RAB6B: variants seen among roughly 807,000 people sequenced by gnomAD.
RAB6B encodes ras-related protein Rab-6B.
Under a neutral mutation model 31.2 loss-of-function variants are expected in RAB6B, and 7 were observed. The observed-to-expected ratio is 0.22, with a 90% confidence interval of 0.13 to 0.42. The LOEUF is 0.42. RAB6B is among the 10% of genes least tolerant of loss of function. The pLI is 1.00. For synonymous variants in RAB6B, 105 were observed against 104.9 expected, an observed-to-expected ratio of 1.00 and a Z score of -0.01; for missense variants, 149 against 280.6, an observed-to-expected ratio of 0.53 and a Z score of 3.35.
chr3:133,837,159 C>T (rs1935748972), intron 6 of RAB6B, among the ~76,000 whole-genome samples: 1 of 152,148 alleles, frequency 6.6e-6, no homozygotes, highest in Non-Finnish European at 1.5e-5. Flanking sequence ...TCTCCAAGTC[C>T]TTCTCATCCC....
intron 6 of RAB6B, among the ~76,000 whole-genome samples, chr3:133,837,849 T>A (rs983983016): frequency 6.6e-6 from 1 of 152,246 alleles, no homozygotes; most frequent in East Asian, 1.9e-4. Context: ...AGGGAACCAC[T>A]GCTTCCCTCA....
chr3:133,828,714 C>G lies in RAB6B; in HGVS notation c.*74G>C, dbSNP rs1052690305. ...ATCTTGATAACTCGGTTCCCTCCCC[C>G]CTTAGGAAGCTAGCCAATAGGAAGC... On this transcript the variant is annotated 3_prime_UTR_variant, in exon 8 of 8. Transcript: ENST00000285208. 105 of 1,478,634 alleles carry G rather than the reference C, an allele frequency of 7.1e-5. No individual in the cohort carries two copies. The highest frequency in any genetic ancestry group is 7.9e-5 in the Non-Finnish European group (84 of 1,061,946). The allele number at this position is 1,478,634 out of a possible 1,614,324, so 91.6% of individuals were successfully genotyped here.
At chr3:133,852,659 G>A (rs988014962) in intron 2 of RAB6B, among the ~76,000 whole-genome samples, 4 of 148,654 alleles carry the variant, frequency 2.7e-5, no homozygotes, top group African/African-American at 9.7e-5. Flanking sequence ...ATTTTCTTTT[G>A]TAGAGATGGG....
chr3:133,833,008 C>T (rs563413913), intron 7 of RAB6B, among the ~76,000 whole-genome samples: 2 of 152,328 alleles, frequency 1.3e-5, no homozygotes, highest in Admixed American at 6.5e-5. Context: ...CCACTCACCC[C>T]GGCCAGTGTG....
chr3:133,873,821 T>C (rs988494885), intron 1 of RAB6B, among the ~76,000 whole-genome samples: 3 of 152,258 alleles, frequency 2.0e-5, no homozygotes, highest in Non-Finnish European at 2.9e-5. Context: ...TAGCCTACTG[T>C]TGACCAAAGC....
chr3:133,838,453 A>G (rs567414566), intron 5 of RAB6B, among the ~76,000 whole-genome samples, 194 bp from the exon 6 acceptor site: 14 of 152,314 alleles, frequency 9.2e-5, no homozygotes, highest in African/African-American at 3.4e-4. Flanking sequence ...ACCAGGGAAC[A>G]GTAGGACACT....
intron 2 of RAB6B, among the ~76,000 whole-genome samples, chr3:133,852,082 C>A (rs116666065): frequency 0.016 from 2,443 of 152,310 alleles, 26 homozygotes; most frequent in Non-Finnish European, 0.025. Context: ...CGTGGTTTTG[C>A]GAGGCAGCTG....
chr3:133,895,240 A>G (rs1436022054), intron 1 of RAB6B, among the ~76,000 whole-genome samples, 157 bp downstream of exon 1: 1 of 142,870 alleles, frequency 7.0e-6, no homozygotes, highest in Non-Finnish European at 1.5e-5. Flanking sequence ...GCCCCTCCCC[A>G]GCCCGACCCC....
chr3:133,863,812 T>C (rs1936196234), intron 2 of RAB6B, among the ~76,000 whole-genome samples: 1 of 152,192 alleles, frequency 6.6e-6, no homozygotes, highest in South Asian at 2.1e-4. Flanking sequence ...AACAGCACCT[T>C]TTTTCTTTAA....
rs1224840965 is a variant in RAB6B, at chr3:133,895,780, G to C, written c.-314C>G. On this transcript the variant is annotated 5_prime_UTR_variant, in exon 1 of 8. Coordinates refer to ENST00000285208, the MANE Select transcript of RAB6B (RefSeq NM_016577.4). ...GCGGCGCTGGGAGAGAGGCGCGGGC[G>C]GAGCGGGGCGCAGGGACGGCGCGCG... 1 of 360,256 alleles carries C rather than the reference G, an allele frequency of 2.8e-6. No individual in the cohort carries two copies. Among genetic ancestry groups the C allele is most frequent in the Non-Finnish European group, 4.9e-6 (1 of 202,256 alleles). The allele number at this position is 360,256 out of a possible 1,614,324, so 22.3% of individuals were successfully genotyped here.
At chr3:133,830,917 C>T (rs946054542) in intron 7 of RAB6B, among the ~76,000 whole-genome samples, 1 of 152,096 alleles carries the variant, frequency 6.6e-6, no homozygotes, top group African/African-American at 2.4e-5. Flanking sequence ...AACCCCATTC[C>T]CCCTCCCCCA....
At chr3:133,868,557 T>C (rs1576404805) in intron 1 of RAB6B, among the ~76,000 whole-genome samples, 1 of 152,226 alleles carries the variant, frequency 6.6e-6, no homozygotes, top group Non-Finnish European at 1.5e-5. Context: ...AGGAGCTTTT[T>C]CTGAGGACAA....
intron 2 of RAB6B, among the ~76,000 whole-genome samples, chr3:133,856,068 A>G (rs1473234329): frequency 6.6e-6 from 1 of 152,016 alleles, no homozygotes. Context: ...ACGACGGCAG[A>G]ATGGAAAAAG....
At chr3:133,854,983 T>A (rs1936053556) in intron 2 of RAB6B, among the ~76,000 whole-genome samples, 1 of 152,214 alleles carries the variant, frequency 6.6e-6, no homozygotes, top group African/African-American at 2.4e-5. Flanking sequence ...GGAAAAGAAA[T>A]AATGAAAAGG....
At chr3:133,857,307 T>A (rs896307162) in intron 2 of RAB6B, among the ~76,000 whole-genome samples, 5 of 151,458 alleles carry the variant, frequency 3.3e-5, no homozygotes, top group African/African-American at 1.2e-4. Flanking sequence ...CTAAATTCCA[T>A]CTGAATAATT....
rs374837483 is a variant in RAB6B at position 133,856,243 on chromosome 3, G to A, written c.129+8341C>T. Among the ~76,000 whole-genome samples the A allele has an allele frequency of 1.2e-4, 18 of 152,278 alleles. 1 individual carries two copies. Among genetic ancestry groups the A allele is most frequent in the Admixed American group, 4.6e-4 (7 of 15,302 alleles). ...TGCATGTGCTGACAAAGAAGTGGAC[G>A]GGAGGACATAGGAGAGGAGGGAGAG... On this transcript the variant is annotated intron_variant, in intron 2 of 7. Coordinates refer to ENST00000285208, the MANE Select transcript of RAB6B (RefSeq NM_016577.4).
intron 6 of RAB6B, among the ~76,000 whole-genome samples, chr3:133,837,312 G>A (rs1356457994): frequency 2.0e-5 from 3 of 152,130 alleles, no homozygotes; most frequent in South Asian, 2.1e-4. Context: ...AAACTTCATC[G>A]ACATTTGTGC....
At chr3:133,856,509 G>A (rs2107999254) in intron 2 of RAB6B, among the ~76,000 whole-genome samples, 1 of 152,218 alleles carries the variant, frequency 6.6e-6, no homozygotes, top group Middle Eastern at 3.4e-3. Context: ...GGCCAGAATT[G>A]AGTCATATCA....
Position 133,824,348 on chromosome 3 carries a change from C to T in RAB6B, c.*4440G>A, listed in dbSNP as rs1273136252. On this transcript the variant is annotated 3_prime_UTR_variant, in exon 8 of 8. Coordinates refer to ENST00000285208, the MANE Select transcript of RAB6B (RefSeq NM_016577.4). ...GCGGCTATGTCTTCTGAGCCCATAA[C>T]AGATGGAATTGCCACCCTCTGTGCT... 1 of 152,204 alleles carries T rather than the reference C, an allele frequency of 6.6e-6. No individual in the cohort carries two copies. Among genetic ancestry groups the T allele is most frequent in the African/African-American group, 2.4e-5 (1 of 41,434 alleles). The allele number at this position is 152,204 out of a possible 1,614,324, so 9.4% of individuals were successfully genotyped here. A position where few individuals can be genotyped will look rare whatever the true frequency, so the allele number is the denominator to read the frequency against.
Sources: allele counts gnomAD v4.1 joint callset (sites outside exome capture counted in the v4.1 genomes callset), GRCh38; gene constraint gnomAD v4.1.1; transcripts MANE v1.5; gene names NCBI Gene and HGNC (gene_info 2026-07-23, HGNC 2026-07-21).